The following LRRTM4 variants were observed in gnomAD, a reference collection of about 807,000 sequenced individuals.
LRRTM4 encodes the protein leucine rich repeat transmembrane neuronal 4, also known as leucine-rich repeat transmembrane neuronal protein 4.
Under a neutral mutation model 47.6 loss-of-function variants are expected in LRRTM4, and 25 were observed. The observed-to-expected ratio is 0.53, with a 90% confidence interval of 0.38 to 0.73. The LOEUF is 0.73. LRRTM4 is among the 30% of genes least tolerant of loss of function. The pLI is 0.00. For synonymous variants in LRRTM4, 311 were observed against 269.5 expected (o/e 1.15, Z -1.51); for missense variants, 638 against 713.4 (o/e 0.89, Z 1.20).
intron 3 of LRRTM4, among the ~76,000 whole-genome samples, chr2:76,764,357 C>T (rs569076989): frequency 1.4e-4 from 21 of 152,234 alleles, no homozygotes; most frequent in African/African-American, 4.3e-4. Context: ...TGAGGCAGGG[C>T]GCAGTGGCTC....
chr2:76,816,698 A>G (rs922197003), intron 3 of LRRTM4, among the ~76,000 whole-genome samples: 1 of 151,812 alleles, frequency 6.6e-6, no homozygotes, highest in African/African-American at 2.4e-5. Context: ...TGAATTTTAT[A>G]AACTTCAGCT....
chr2:76,833,983 G>A (rs962566887), intron 3 of LRRTM4, among the ~76,000 whole-genome samples: 3 of 150,556 alleles, frequency 2.0e-5, no homozygotes, highest in Admixed American at 6.7e-5. Context: ...TGATAACCAG[G>A]ACTTAGTGGA....
intron 3 of LRRTM4, among the ~76,000 whole-genome samples, chr2:76,949,206 G>A (rs927347114): frequency 2.6e-5 from 4 of 151,842 alleles, no homozygotes; most frequent in African/African-American, 9.7e-5. Context: ...TCAGTTATTG[G>A]AGAAATCCTC....
chr2:77,191,357 G>A (rs1673664829), intron 3 of LRRTM4, among the ~76,000 whole-genome samples: 1 of 151,910 alleles, frequency 6.6e-6, no homozygotes, highest in Non-Finnish European at 1.5e-5. Flanking sequence ...TTTATAAAAT[G>A]TCATCAAAGG....
rs111468624 is a variant in LRRTM4, at chr2:76,814,806, T to TACACACAC, written c.1552-65898_1552-65891dup. 9.3e-4 allele frequency among the ~76,000 whole-genome samples: 49 copies of TACACACAC among 52,660 alleles called. No individual in the cohort carries two copies. In the South Asian group the frequency reaches 0.041, roughly 44 times the overall value. The allele number at this position is 52,660 out of a possible 152,430, so 34.5% of individuals were successfully genotyped here. A position where few individuals can be genotyped will look rare whatever the true frequency, so the allele number is the denominator to read the frequency against. On this transcript the variant is annotated intron_variant, in intron 3 of 3. Coordinates refer to ENST00000409884, the MANE Select transcript of LRRTM4 (RefSeq NM_001134745.3). ...AATGGCTTCAAGATACACACACACA[T>TACACACAC]ACACACACACACACACACACACACA...
chr2:77,020,931 T>C (rs2104102544), intron 3 of LRRTM4, among the ~76,000 whole-genome samples: 1 of 152,292 alleles, frequency 6.6e-6, no homozygotes, highest in South Asian at 2.1e-4. Flanking sequence ...GTGATTGACT[T>C]CGAAGTTTCG....
chr2:76,908,557 C>T (rs2103770713), intron 3 of LRRTM4, among the ~76,000 whole-genome samples: 1 of 152,162 alleles, frequency 6.6e-6, no homozygotes, highest in Non-Finnish European at 1.5e-5. Flanking sequence ...CAAAGTGTCC[C>T]TGTTTGCAGA....
At chr2:77,505,666 T>C (rs1256740822) in intron 3 of LRRTM4, among the ~76,000 whole-genome samples, 1 of 151,610 alleles carries the variant, frequency 6.6e-6, no homozygotes, top group Non-Finnish European at 1.5e-5. Context: ...GAACTAAAAA[T>C]TTTTAAAAGT....
chr2:77,500,746 C>A (rs1015156574), intron 3 of LRRTM4, among the ~76,000 whole-genome samples: 1 of 151,616 alleles, frequency 6.6e-6, no homozygotes, highest in Non-Finnish European at 1.5e-5. Flanking sequence ...ATCAAAGACA[C>A]TTTATTAGGG....
intron 3 of LRRTM4, among the ~76,000 whole-genome samples, chr2:77,505,380 T>C (rs1678728293): frequency 6.6e-6 from 1 of 151,434 alleles, no homozygotes; most frequent in South Asian, 2.1e-4. Flanking sequence ...AAGATTTTGC[T>C]AAAAAACAGT....
At chr2:76,850,753 CAATAT>C (rs1671969103) in intron 3 of LRRTM4, among the ~76,000 whole-genome samples, 1 of 152,018 alleles carries the variant, frequency 6.6e-6, no homozygotes, top group South Asian at 2.1e-4. Context: ...GCACCTGATC[CAATAT>C]AATATACAGA....
rs59721870 is a variant in LRRTM4, at chr2:77,103,664, G to GATATATATATAT, written c.1552-354749_1552-354748insATATATATATAT. 4.2e-5 allele frequency among the ~76,000 whole-genome samples: 6 copies of GATATATATATAT among 143,736 alleles called. 1 individual carries two copies. The highest frequency in any genetic ancestry group is 1.1e-4 in the African/African-American group (4 of 37,896). The allele number at this position is 143,736 out of a possible 152,430, so 94.3% of individuals were successfully genotyped here. ...ACATGAGTGTATATATATATATATA[G>GATATATATATAT]ATATATATATCACATATATGTATAT... On this transcript the variant is annotated intron_variant, in intron 3 of 3. Coordinates refer to ENST00000409884, the MANE Select transcript of LRRTM4 (RefSeq NM_001134745.3).
At chr2:77,337,265 G>T (rs1334853879) in intron 3 of LRRTM4, among the ~76,000 whole-genome samples, 1 of 152,070 alleles carries the variant, frequency 6.6e-6, no homozygotes, top group African/African-American at 2.4e-5. Flanking sequence ...TTGTTTGGAA[G>T]AATCAAGGTC....
chr2:77,500,446 CAA>C (rs35997628), intron 3 of LRRTM4, among the ~76,000 whole-genome samples: 3 of 148,534 alleles, frequency 2.0e-5, no homozygotes, highest in Non-Finnish European at 4.5e-5. Flanking sequence ...ACCATACAAA[CAA>C]AAAAAAATCT....
At chr2:76,893,402 T>C (rs1251841193) in intron 3 of LRRTM4, among the ~76,000 whole-genome samples, 1 of 151,528 alleles carries the variant, frequency 6.6e-6, no homozygotes. Flanking sequence ...TCTGATAACT[T>C]CTGATAACAT....
chr2:76,786,243 C>CACTT (rs1674663428), intron 3 of LRRTM4, among the ~76,000 whole-genome samples: 1 of 152,134 alleles, frequency 6.6e-6, no homozygotes, highest in South Asian at 2.1e-4. Context: ...AAATAAGGCA[C>CACTT]ACTTACAGCA....
chr2:76,974,231 T>TATATATAC (rs1166096250), intron 3 of LRRTM4, among the ~76,000 whole-genome samples: 38 of 139,544 alleles, frequency 2.7e-4, no homozygotes, highest in African/African-American at 9.7e-4. Flanking sequence ...TACATACATA[T>TATATATAC]ATATATATAC....
At chr2:77,212,410 C>T (rs1674317805) in intron 3 of LRRTM4, among the ~76,000 whole-genome samples, 1 of 146,744 alleles carries the variant, frequency 6.8e-6, no homozygotes, top group African/African-American at 2.5e-5. Flanking sequence ...TCAAGGTCAC[C>T]AATCAATCTT....
chr2:77,462,076 T>G (rs1676810996), intron 3 of LRRTM4, among the ~76,000 whole-genome samples: 1 of 152,094 alleles, frequency 6.6e-6, no homozygotes, highest in Non-Finnish European at 1.5e-5. Context: ...AGCAGCAGAA[T>G]TGACACTTTC....
Sources: allele counts gnomAD v4.1 joint callset (sites outside exome capture counted in the v4.1 genomes callset), GRCh38; gene constraint gnomAD v4.1.1; transcripts MANE v1.5; gene names NCBI Gene and HGNC (gene_info 2026-07-23, HGNC 2026-07-21).